Variants in LDB1 observed in about 807,000 individuals in gnomAD.
The protein encoded by LDB1 is LIM domain-binding protein 1.
In LDB1, 6 loss-of-function variants were observed where a neutral mutation model predicts 49.7. That is an observed-to-expected ratio of 0.12 (90% CI 0.07 to 0.24). The LOEUF is 0.24. LDB1 is among the 10% of genes least tolerant of loss of function. The pLI is 1.00. For synonymous variants in LDB1, 233 were observed against 202.0 expected (o/e 1.15, Z -1.30); for missense variants, 341 against 561.7 (o/e 0.61, Z 3.97).
intron 1 of LDB1, among the ~76,000 whole-genome samples, chr10:102,112,819 C>T (rs562305350): frequency 6.6e-6 from 1 of 152,314 alleles, no homozygotes; most frequent in East Asian, 1.9e-4. Flanking sequence ...TAGTGTGTAT[C>T]TGTGATGTGC....
intron 1 of LDB1, among the ~76,000 whole-genome samples, chr10:102,113,898 G>A (rs2068293306): frequency 1.3e-5 from 2 of 152,316 alleles, no homozygotes; most frequent in Non-Finnish European, 2.9e-5. Context: ...CCAGTGAATG[G>A]ACACAAACTC....
chr10:102,111,562 G>A (rs1257638102), intron 1 of LDB1, 26 bp from the exon 2 acceptor site: 1 of 1,408,924 alleles, frequency 7.1e-7, no homozygotes, highest in African/African-American at 1.4e-5. Flanking sequence ...AGGAGTCATA[G>A]CTGGGCGCGG....
intron 5 of LDB1, 65 bp downstream of exon 5, chr10:102,110,804 C>T (rs867862741): frequency 3.8e-6 from 6 of 1,582,822 alleles, no homozygotes. Flanking sequence ...CCCAGACCCA[C>T]TTCTAGACCT....
At position 102,117,092 on chromosome 10, in the gene LDB1, C is replaced by G. The variant is rs778671411; in HGVS notation, c.25+2994G>C. ...CTGCAGCCATTCCTACTCCCTTCCC[C>G]CTCCAGGCCTCAAATCACTGTCCTC... On this transcript the variant is annotated intron_variant, in intron 1 of 10. Transcript: ENST00000673968. The surrounding 1 kb of genome is among the most constrained non-coding windows in gnomAD (Gnocchi z 4.2). Among the ~76,000 whole-genome samples the G allele has an allele frequency of 6.6e-6, 1 of 152,176 alleles. No individual in the cohort carries two copies. The highest frequency in any genetic ancestry group is 2.4e-5 in the African/African-American group (1 of 41,436).
In LDB1 at chr10:102,107,961, G is replaced by T; in HGVS notation, c.*132C>A. The T allele has an allele frequency of 1.3e-6, 1 of 789,442 alleles. No homozygotes were observed. Among genetic ancestry groups the T allele is most frequent in the Non-Finnish European group, 2.1e-6 (1 of 471,626 alleles). 48.9% of individuals were successfully genotyped at this position (789,442 alleles called of 1,614,324 possible). Reference sequence around the variant, plus strand: ...TTGGCACCTGCCCCCAGAGAGTCCAGTTCCTCCCTGAAGCGGGTGGATGGA... The same window carrying T: ...TTGGCACCTGCCCCCAGAGAGTCCATTTCCTCCCTGAAGCGGGTGGATGGA... On this transcript the variant is annotated 3_prime_UTR_variant, in exon 11 of 11. Transcript: ENST00000673968.
At chr10:102,120,390 CGTGTGCGT>C (rs766191942), upstream of LDB1, 295 of 983,750 alleles carry the variant, frequency 3.0e-4, 1 homozygote, top group Middle Eastern at 3.7e-3. Context: ...CGTGTGTGCG[CGTGTGCGT>C]GTGCGTGTCT....
At position 102,107,277 on chromosome 10, in the gene LDB1, CCA is replaced by C. The variant is rs905896526; in HGVS notation, c.*814_*815del. The stretch of plus-strand genomic sequence containing the variant: ...AAGCACTAGGAGGGCAGGCCAGAGT[CCA>C]GAGAATGGGGACACAGAGACAACAG... On this transcript the variant is annotated 3_prime_UTR_variant, in exon 11 of 11. Coordinates refer to ENST00000673968, the MANE Select transcript of LDB1 (RefSeq NM_001113407.3). Among the ~76,000 whole-genome samples, 2 of 151,996 alleles carry C rather than the reference CCA, an allele frequency of 1.3e-5. No homozygotes were observed. Among genetic ancestry groups the C allele is most frequent in the African/African-American group, 4.8e-5 (2 of 41,384 alleles).
rs1590280465 is a variant in LDB1, at chr10:102,109,131, C to T, written c.903G>A (p.Met301Ile). 1.2e-6 allele frequency: 2 copies of T among 1,614,132 alleles called. No homozygotes were observed. The highest frequency in any genetic ancestry group is 1.7e-4 in the Middle Eastern group (1 of 6,048). ...QQPSKRRKRK[M>I]SGGSTMSSGG... ...CAGAGCTCATGGTGCTGCCCCCTGA[C>T]ATCTTCCGTTTCCGCCGTTTGCTGG... Residue 301 changes from methionine (M) to isoleucine (I), a missense_variant, in exon 10 of 11, where the codon ATG (methionine) becomes ATA (isoleucine). Around this residue, in one of 5 missense-constraint regions of LDB1, gnomAD observed 233 missense variants for 385.7 expected, o/e 0.60. Coordinates refer to ENST00000673968, the MANE Select transcript of LDB1 (RefSeq NM_001113407.3). The surrounding 1 kb of genome is among the most constrained non-coding windows in gnomAD (Gnocchi z 5.8).
In LDB1 at chr10:102,107,842, C is replaced by G; in HGVS notation, c.*251G>C. 1.8e-6 allele frequency: 1 copy of G among 562,464 alleles called. No homozygotes were observed. The highest frequency in any genetic ancestry group is 2.1e-5 in the South Asian group (1 of 47,808). The allele number at this position is 562,464 out of a possible 1,614,324, so 34.8% of individuals were successfully genotyped here. Reference sequence around the variant, plus strand: ...GGTGGTCAGGACATGTCTCAGAGGCCCAGGTTCCAAGTAGGCATCCACATG... The same window carrying G: ...GGTGGTCAGGACATGTCTCAGAGGCGCAGGTTCCAAGTAGGCATCCACATG... On this transcript the variant is annotated 3_prime_UTR_variant, in exon 11 of 11. Transcript: ENST00000673968.
upstream of LDB1, among the ~76,000 whole-genome samples, chr10:102,120,721 G>A (rs574329819): frequency 2.0e-5 from 3 of 152,314 alleles, no homozygotes; most frequent in East Asian, 1.9e-4. Context: ...CGAAGGGGAG[G>A]GCTTGGAGGC....
At chr10:102,118,195 A>C (rs1351879777) in intron 1 of LDB1, among the ~76,000 whole-genome samples, 3 of 151,990 alleles carry the variant, frequency 2.0e-5, no homozygotes, top group Non-Finnish European at 2.9e-5. Flanking sequence ...CTCTAACCTC[A>C]ACTGCTACTA....
At chr10:102,120,421 C>G, upstream of LDB1, 1 of 982,058 alleles carries the variant, frequency 1.0e-6, no homozygotes, top group Non-Finnish European at 1.2e-6. Flanking sequence ...GCGCTCCCGC[C>G]GCCGTCGCCG....
At chr10:102,110,353 T>C (rs1302104275) in intron 6 of LDB1, 176 bp downstream of exon 6, 21 of 688,128 alleles carry the variant, frequency 3.1e-5, no homozygotes, top group Non-Finnish European at 5.0e-5. Context: ...CCCAGAAAAC[T>C]ATCCCATACA....
chr10:102,110,979 G>A lies in LDB1; in HGVS notation c.250-8C>T, dbSNP rs1271946303. ...CCAGAGATTGTCACACTCCTAGGGA[G>A]CATGGTAACGGGTGTTCATGTGTCA... On this transcript the variant is annotated splice_polypyrimidine_tract_variant and splice_region_variant and intron_variant, in intron 4 of 10. Transcript: ENST00000673968. 1.2e-6 allele frequency: 2 copies of A among 1,612,972 alleles called. No individual in the cohort carries two copies. The highest frequency in any genetic ancestry group is 1.7e-6 in the Non-Finnish European group (2 of 1,178,958).
chr10:102,116,274 T>A (rs568072824), intron 1 of LDB1, among the ~76,000 whole-genome samples: 1 of 152,296 alleles, frequency 6.6e-6, no homozygotes, highest in East Asian at 1.9e-4. Flanking sequence ...CTCCAGCTCC[T>A]GGGTTCAAGC....
At chr10:102,108,978 G>A (rs1287186423) in intron 10 of LDB1, 51 bp downstream of exon 10, 3 of 1,612,788 alleles carry the variant, frequency 1.9e-6, no homozygotes, top group East Asian at 2.2e-5. Flanking sequence ...AAAGGGGTCA[G>A]GGGTGAGTGG....
Position 102,111,283 on chromosome 10 carries a change from G to A in LDB1, c.146C>T (p.Pro49Leu). 1.5e-5 allele frequency: 25 copies of A among 1,614,122 alleles called. No individual in the cohort carries two copies. The highest frequency in any genetic ancestry group is 2.1e-5 in the Non-Finnish European group (25 of 1,179,996). ...DRDVGPTPMY[P>L]PTYLEPGIGR... ...AATCCCTGGCTCCAGGTATGTAGGC[G>A]GATACATGGGAGTTGGGCTGTGTAA... The change falls in exon 3 of 11, where the codon CCG (proline) becomes CTG (leucine). Residue 49 changes from proline to leucine, a missense_variant. Transcript: ENST00000673968.
rs372798838 is a variant in LDB1 at position 102,109,902 on chromosome 10, G to C, written c.648+19C>G. 10 of 1,604,468 alleles carry C rather than the reference G, an allele frequency of 6.2e-6. No individual in the cohort carries two copies. In the African/African-American group the frequency reaches 1.2e-4, roughly 19 times the overall value. On this transcript the variant is annotated intron_variant, in intron 7 of 10. Coordinates refer to ENST00000673968, the MANE Select transcript of LDB1 (RefSeq NM_001113407.3). This position sits in a 1 kb window ranked among gnomAD's most constrained non-coding sequence, Gnocchi z 5.8. The stretch of plus-strand genomic sequence containing the variant: ...CGCCTGCCTTCACTCTTGCATCCTG[G>C]GTCCTGCCCACGACTCACATGCATG...
At chr10:102,110,329 G>A (rs570710555) in intron 6 of LDB1, 200 bp downstream of exon 6, 233 of 644,044 alleles carry the variant, frequency 3.6e-4, no homozygotes, top group Non-Finnish European at 5.2e-4. Flanking sequence ...TTGTTCACTC[G>A]TGTAGCCTTG....
Sources: gnomAD v4.1 joint callset for allele counts (sites outside exome capture counted in the v4.1 genomes callset) on GRCh38, gnomAD v4.1.1 for gene constraint, gnomAD v4.1.1 regional missense constraint, Gnocchi (gnomAD v3.1) non-coding constraint, MANE v1.5 for transcripts, NCBI Gene and HGNC (gene_info 2026-07-23, HGNC 2026-07-21) for gene names.